ELMO1: variants seen among roughly 807,000 people sequenced by gnomAD.
ELMO1 encodes the protein engulfment and cell motility protein 1.
Under a neutral mutation model 98.9 loss-of-function variants are expected in ELMO1, and 26 were observed. The observed-to-expected ratio is 0.26, with a 90% confidence interval of 0.19 to 0.36. ELMO1 has a LOEUF of 0.36. Among genes scored for constraint, ELMO1 ranks in the 10% least tolerant of loss-of-function variants. ELMO1 has a pLI of 1.00. For synonymous variants in ELMO1, 346 were observed against 346.0 expected (o/e 1.00, Z 0.00); for missense variants, 627 against 935.2 (o/e 0.67, Z 4.30).
At chr7:37,066,183 C>G (rs1419750832) in intron 15 of ELMO1, among the ~76,000 whole-genome samples, 1 of 152,156 alleles carries the variant, frequency 6.6e-6, no homozygotes, top group East Asian at 1.9e-4. Flanking sequence ...TCGGGCATGT[C>G]TCTATTAGCA....
In ELMO1 at chr7:37,185,155, C is replaced by T. The variant is rs1000144003; in HGVS notation, c.1086+26231G>A. Among the ~76,000 whole-genome samples, 109 of 152,104 alleles carry T rather than the reference C, an allele frequency of 7.2e-4. 1 individual carries two copies. The highest frequency in any genetic ancestry group is 7.1e-3 in the Admixed American group (108 of 15,270). On this transcript the variant is annotated intron_variant, in intron 13 of 21. Coordinates refer to ENST00000310758, the MANE Select transcript of ELMO1 (RefSeq NM_014800.11). ...ATATGATAGCCTAAATGCAAAGGATCGACAGATTAAGTTGAATTTGTGGTC... is the reference window on the plus strand; with the variant it reads ...ATATGATAGCCTAAATGCAAAGGATTGACAGATTAAGTTGAATTTGTGGTC...
intron 14 of ELMO1, among the ~76,000 whole-genome samples, chr7:37,119,021 A>G (rs1785802229): frequency 6.6e-6 from 1 of 152,228 alleles, no homozygotes; most frequent in African/African-American, 2.4e-5. Flanking sequence ...GACTTTGGAC[A>G]AACCACTTAA....
At chr7:37,048,085 T>C (rs1042899436) in intron 15 of ELMO1, among the ~76,000 whole-genome samples, 2 of 152,134 alleles carry the variant, frequency 1.3e-5, no homozygotes, top group Non-Finnish European at 1.5e-5. Context: ...TAAGCTAGGG[T>C]TTCTCAACAT....
intron 13 of ELMO1, 120 bp downstream of exon 13, chr7:37,211,266 G>A: frequency 7.1e-7 from 1 of 1,412,270 alleles, no homozygotes; most frequent in East Asian, 2.4e-5. Flanking sequence ...ATCTGGAAAT[G>A]TGGAAACTAT....
chr7:37,370,608 G>C (rs769953083), intron 1 of ELMO1, among the ~76,000 whole-genome samples: 1 of 151,906 alleles, frequency 6.6e-6, no homozygotes, highest in Non-Finnish European at 1.5e-5. Flanking sequence ...AACCCAAAAG[G>C]CATATCCAGG....
chr7:37,263,912 C>T (rs1796110935), intron 5 of ELMO1, among the ~76,000 whole-genome samples: 2 of 152,106 alleles, frequency 1.3e-5, no homozygotes, highest in South Asian at 2.1e-4. Context: ...ATGTAAATAT[C>T]GGAGATGGAT....
At chr7:37,408,353 A>G (rs1803860627) in intron 1 of ELMO1, among the ~76,000 whole-genome samples, 1 of 152,224 alleles carries the variant, frequency 6.6e-6, no homozygotes, top group Non-Finnish European at 1.5e-5. Flanking sequence ...AAAAGATGAC[A>G]AAGAACTCAG....
chr7:36,977,323 A>T (rs1790641782), intron 16 of ELMO1, among the ~76,000 whole-genome samples: 1 of 152,258 alleles, frequency 6.6e-6, no homozygotes, highest in African/African-American at 2.4e-5. Context: ...CACAGAGAGT[A>T]CAGCTCTTAA....
chr7:37,034,817 A>T (rs1205221390), intron 15 of ELMO1, among the ~76,000 whole-genome samples: 2 of 152,170 alleles, frequency 1.3e-5, no homozygotes, highest in African/African-American at 4.8e-5. Context: ...CCTTACTGGC[A>T]AGGTACTTCC....
chr7:37,228,680 A>C (rs1158108848), intron 8 of ELMO1, among the ~76,000 whole-genome samples: 1 of 152,216 alleles, frequency 6.6e-6, no homozygotes, highest in Non-Finnish European at 1.5e-5. Context: ...ATGAGATCTT[A>C]AAATTCTCCT....
rs372466075 is a variant in ELMO1 at position 37,251,054 on chromosome 7, T to C, written c.414-6663A>G. Among the ~76,000 whole-genome samples, 10 of 152,272 alleles carry C rather than the reference T, an allele frequency of 6.6e-5. No homozygotes were observed. In the South Asian group the frequency reaches 1.0e-3, roughly 16 times the overall value. ...AAGGACACAGAAGTAGGCTTTCTCA[T>C]TGTCTGTGTGCTTAGAGGCATGGAC... On this transcript the variant is annotated intron_variant, in intron 6 of 21. Coordinates refer to ENST00000310758, the MANE Select transcript of ELMO1 (RefSeq NM_014800.11).
intron 4 of ELMO1, among the ~76,000 whole-genome samples, chr7:37,287,194 C>CA (rs59637350): frequency 0.019 from 1,890 of 99,640 alleles, 13 homozygotes; most frequent in Non-Finnish European, 0.026. Flanking sequence ...GACTCCTTCT[C>CA]AAAAAAAAAA....
At chr7:37,110,582 AAT>A (rs906948792) in intron 14 of ELMO1, among the ~76,000 whole-genome samples, 3 of 151,928 alleles carry the variant, frequency 2.0e-5, no homozygotes, top group Non-Finnish European at 4.4e-5. Context: ...GTATAATTTA[AAT>A]ATATATATAT....
At chr7:36,902,399 G>T (rs995979989) in intron 16 of ELMO1, among the ~76,000 whole-genome samples, 8 of 152,202 alleles carry the variant, frequency 5.3e-5, no homozygotes. Context: ...GTCTGAAGGG[G>T]TGATGAGACC....
chr7:37,252,498 T>C (rs1795406833), intron 6 of ELMO1, among the ~76,000 whole-genome samples: 1 of 152,198 alleles, frequency 6.6e-6, no homozygotes, highest in Non-Finnish European at 1.5e-5. Flanking sequence ...CCCTATTTAA[T>C]AAATGGTGCT....
intron 14 of ELMO1, among the ~76,000 whole-genome samples, chr7:37,130,674 TATGGCTAGAAAGTGGGTG>T: frequency 6.6e-6 from 1 of 152,160 alleles, no homozygotes; most frequent in African/African-American, 2.4e-5. Context: ...CTTGGGAACA[TATGGCTAGAAAGTGGGTG>T]AGGGACCATG....
At chr7:37,006,423 G>A (rs755284090) in intron 16 of ELMO1, among the ~76,000 whole-genome samples, 17 of 152,202 alleles carry the variant, frequency 1.1e-4, no homozygotes, top group Non-Finnish European at 2.1e-4. Context: ...GTTTACAGGT[G>A]AGAAAGGACT....
intron 5 of ELMO1, among the ~76,000 whole-genome samples, chr7:37,261,882 G>T (rs1316521837): frequency 6.6e-6 from 1 of 152,164 alleles, no homozygotes; most frequent in African/African-American, 2.4e-5. Flanking sequence ...GATTACAGGC[G>T]TGAGCCACCA....
intron 15 of ELMO1, among the ~76,000 whole-genome samples, chr7:37,087,831 AAAAAG>A (rs1169435290): frequency 3.9e-5 from 6 of 152,220 alleles, no homozygotes; most frequent in Non-Finnish European, 7.3e-5. Context: ...GGAATGAAAG[AAAAAG>A]AAAAGGGTAT....
Sources: gnomAD v4.1 joint callset for allele counts (sites outside exome capture counted in the v4.1 genomes callset) on GRCh38, gnomAD v4.1.1 for gene constraint, MANE v1.5 for transcripts, NCBI Gene and HGNC (gene_info 2026-07-23, HGNC 2026-07-21) for gene names.